DZANK1: variants seen among roughly 807,000 people sequenced by gnomAD.
DZANK1 encodes the protein double zinc ribbon and ankyrin repeat domains 1, also known as double zinc ribbon and ankyrin repeat-containing protein 1.
Under a neutral mutation model 94.5 loss-of-function variants are expected in DZANK1, and 91 were observed. The observed-to-expected ratio is 0.96, with a 90% CI of 0.81 to 1.15. DZANK1 has a LOEUF of 1.15. DZANK1 is among the 50% of genes most tolerant of loss of function. DZANK1 has a pLI of 0.00. For synonymous variants in DZANK1, 312 were observed against 325.3 expected (o/e 0.96, Z 0.44); for missense variants, 903 against 916.4 (o/e 0.99, Z 0.19).
intron 18 of DZANK1, 21 bp downstream of exon 18, chr20:18,390,358 G>A: frequency 6.2e-7 from 1 of 1,611,698 alleles, no homozygotes; most frequent in Non-Finnish European, 8.5e-7. Flanking sequence ...CAGAGAGACT[G>A]GCTCCTTTGG....
At chr20:18,434,545 C>CAAAA (rs55680576) in intron 8 of DZANK1, among the ~76,000 whole-genome samples, 1 of 47,560 alleles carries the variant, frequency 2.1e-5, no homozygotes, top group African/African-American at 8.3e-5. Flanking sequence ...GACTCCTGCT[C>CAAAA]AAAAAAAAAA....
At chr20:18,398,703 T>C in intron 13 of DZANK1, 77 bp from the exon 14 acceptor site, 6 of 1,393,676 alleles carry the variant, frequency 4.3e-6, no homozygotes, top group African/African-American at 1.4e-5. Context: ...ATGGAACATA[T>C]GTTCTTAGAG....
In DZANK1 at chr20:18,455,452, AG is replaced by A. The variant is rs1423242304; in HGVS notation, c.264-92del. On this transcript the variant is annotated intron_variant, in intron 3 of 20. Coordinates refer to ENST00000262547, the Ensembl canonical transcript of DZANK1. ...CAAGATGATTTTATTAAAGTGCCTTAGTCTAGCTACTAAATTTATTGTATTT... is the reference window on the plus strand; with the variant it reads ...CAAGATGATTTTATTAAAGTGCCTTATCTAGCTACTAAATTTATTGTATTT... 3 of 789,198 alleles carry A rather than the reference AG, an allele frequency of 3.8e-6. No individual in the cohort carries two copies. In the East Asian group the frequency reaches 8.1e-5, roughly 21 times the overall value. The allele number at this position is 789,198 out of a possible 1,614,324, so 48.9% of individuals were successfully genotyped here. A position where few individuals can be genotyped will look rare whatever the true frequency, so the allele number is the denominator to read the frequency against.
At chr20:18,386,279 C>T (rs1258975667) in intron 19 of DZANK1, among the ~76,000 whole-genome samples, 1 of 152,186 alleles carries the variant, frequency 6.6e-6, no homozygotes. Context: ...CCCAGAAAGC[C>T]TCCTGGTTGA....
intron 2 of DZANK1, among the ~76,000 whole-genome samples, chr20:18,463,580 G>A (rs2059546259): frequency 6.6e-6 from 1 of 152,098 alleles, no homozygotes; most frequent in African/African-American, 2.4e-5. Flanking sequence ...TTACTGAATT[G>A]TGAAAACTAT....
At chr20:18,395,403 C>T (rs1184799073) in intron 15 of DZANK1, among the ~76,000 whole-genome samples, 3 of 152,120 alleles carry the variant, frequency 2.0e-5, no homozygotes, top group African/African-American at 7.2e-5. Context: ...AAAACAATGA[C>T]CTGGGAACAG....
intron 13 of DZANK1, among the ~76,000 whole-genome samples, chr20:18,401,226 C>T (rs772812057): frequency 3.3e-5 from 5 of 152,132 alleles, no homozygotes; most frequent in Admixed American, 6.6e-5. Context: ...TATGAGCCAC[C>T]GAGCCTGGCC....
At chr20:18,449,109 G>T in intron 6 of DZANK1, 40 bp from the exon 7 acceptor site, 1 of 1,520,612 alleles carries the variant, frequency 6.6e-7, no homozygotes, top group Non-Finnish European at 9.1e-7. Context: ...GAGTCATATA[G>T]TCAAAATAAC....
intron 11 of DZANK1, among the ~76,000 whole-genome samples, chr20:18,414,986 T>A (rs889010679): frequency 2.0e-5 from 3 of 152,200 alleles, no homozygotes; most frequent in Non-Finnish European, 4.4e-5. Context: ...AACCCTTCAC[T>A]CTAAAACTTT....
At position 18,389,829 on chromosome 20, in the gene DZANK1, C is replaced by T; in HGVS notation, c.1891-1G>A. ...CATCACAGCAGTTGGGGTCTGCTCC[C>T]TGCAGCAAACGGAAAAGGACAAACT... On this transcript the variant is annotated splice_acceptor_variant, in intron 18 of 20. Transcript: ENST00000262547. LOFTEE classifies it high-confidence loss of function. 1.2e-6 allele frequency: 2 copies of T among 1,613,818 alleles called. No individual in the cohort carries two copies. The highest frequency in any genetic ancestry group is 2.2e-5 in the East Asian group (1 of 44,886).
chr20:18,424,505 A>G (rs540878660), intron 10 of DZANK1, among the ~76,000 whole-genome samples: 1 of 152,070 alleles, frequency 6.6e-6, no homozygotes, highest in South Asian at 2.1e-4. Context: ...GAAAAAAATG[A>G]CAGGTGATAT....
chr20:18,405,807 C>G (rs1054937778), intron 13 of DZANK1, among the ~76,000 whole-genome samples: 2 of 152,232 alleles, frequency 1.3e-5, no homozygotes, highest in Non-Finnish European at 2.9e-5. Context: ...GAGAGACGGT[C>G]TTGAATCACT....
exon 14 of DZANK1, chr20:18,398,609 G>A (rs6111938): frequency 2.5e-6 from 4 of 1,613,994 alleles, no homozygotes; most frequent in Non-Finnish European, 3.4e-6. Flanking sequence ...ATGTGATCCA[G>A]CTGTCTTCTC....
intron 2 of DZANK1, among the ~76,000 whole-genome samples, chr20:18,461,198 C>T (rs1009652100): frequency 1.3e-5 from 2 of 152,204 alleles, no homozygotes; most frequent in African/African-American, 4.8e-5. Flanking sequence ...ATTTTATATC[C>T]ATACAAGCAT....
chr20:18,383,379 A>T (rs79456487), exon 21 of DZANK1: 1 of 152,224 alleles, frequency 6.6e-6, no homozygotes, highest in Non-Finnish European at 1.5e-5. Context: ...ACACATTCTT[A>T]TAAGTGGTTT....
chr20:18,437,946 C>T (rs1200752464), intron 8 of DZANK1, among the ~76,000 whole-genome samples: 3 of 151,972 alleles, frequency 2.0e-5, no homozygotes, highest in South Asian at 2.1e-4. Context: ...AGGCCGGGTG[C>T]GGTGGCTCAC....
At chr20:18,466,506 A>G (rs1013284413) in intron 1 of DZANK1, among the ~76,000 whole-genome samples, 2 of 152,240 alleles carry the variant, frequency 1.3e-5, no homozygotes, top group Admixed American at 6.5e-5. Context: ...TACTGACAGC[A>G]CAACAATAGC....
chr20:18,406,388 G>C (rs1235685403), intron 13 of DZANK1, among the ~76,000 whole-genome samples: 1 of 152,206 alleles, frequency 6.6e-6, no homozygotes, highest in Non-Finnish European at 1.5e-5. Context: ...ATAAGGCAGA[G>C]CCGTAAGGCC....
intron 2 of DZANK1, among the ~76,000 whole-genome samples, chr20:18,464,667 C>CTT (rs1167738427): frequency 7.3e-4 from 57 of 77,850 alleles, no homozygotes; most frequent in Non-Finnish European, 9.2e-4. Context: ...AGCACCGGGA[C>CTT]TTTTTTTTTT....
Sources: allele counts gnomAD v4.1 joint callset (sites outside exome capture counted in the v4.1 genomes callset), GRCh38; gene constraint gnomAD v4.1.1; transcripts MANE v1.5; gene names NCBI Gene and HGNC (gene_info 2026-07-23, HGNC 2026-07-21).